The following APBA2 variants were observed in gnomAD, a reference collection of about 807,000 sequenced individuals.
The protein encoded by APBA2 is amyloid-beta A4 precursor protein-binding family A member 2.
Under a neutral mutation model 75.0 loss-of-function variants are expected in APBA2, and 30 were observed. That is an observed-to-expected ratio of 0.40 (90% confidence interval 0.30 to 0.54). The LOEUF (loss-of-function observed/expected upper bound fraction) is 0.54, where lower values mean the gene tolerates loss of function less well. APBA2 is among the 20% of genes least tolerant of loss of function. APBA2 has a pLI of 0.49. For synonymous variants in APBA2, 444 were observed against 409.6 expected, an observed-to-expected ratio of 1.08 and a Z score of -1.01; for missense variants, 801 against 1,016.1, an observed-to-expected ratio of 0.79 and a Z score of 2.88.
At chr15:29,074,838 T>C in intron 4 of APBA2, 83 bp from the exon 5 acceptor site, 1 of 1,292,010 alleles carries the variant, frequency 7.7e-7, no homozygotes, top group Non-Finnish European at 1.1e-6. Context: ...TTTTACAAAA[T>C]TGTATCACAT....
intron 2 of APBA2, among the ~76,000 whole-genome samples, chr15:28,927,159 A>G (rs1319061907): frequency 6.6e-6 from 1 of 151,486 alleles, no homozygotes; most frequent in Non-Finnish European, 1.5e-5. Context: ...CACCTGGCCT[A>G]TCCACCCTCT....
intron 11 of APBA2, 146 bp downstream of exon 11, chr15:29,105,704 C>T (rs2044369232): frequency 4.7e-6 from 4 of 842,902 alleles, no homozygotes; most frequent in Non-Finnish European, 7.8e-6. Flanking sequence ...GCACCTCGCT[C>T]CTGCCTTCCA....
rs765084356 is a variant in APBA2, at chr15:28,908,315, G to GTTTTTTTT, written c.-204-13319_-204-13312dup. The stretch of plus-strand genomic sequence containing the variant: ...TTGTTTTTGTTTGTTTTGTTTTCTT[G>GTTTTTTTT]TTTTTTTTTTTTTGAGACAGAGTCT... On this transcript the variant is annotated intron_variant, in intron 1 of 14. Transcript: ENST00000683413. 4.5e-4 allele frequency among the ~76,000 whole-genome samples: 62 copies of GTTTTTTTT among 137,594 alleles called. 8 individuals are homozygous for GTTTTTTTT. Among genetic ancestry groups the GTTTTTTTT allele is most frequent in the African/African-American group, 1.9e-3 (62 of 33,182 alleles). 90.3% of individuals were successfully genotyped at this position (137,594 alleles called of 152,430 possible).
intron 2 of APBA2, among the ~76,000 whole-genome samples, chr15:28,962,850 G>A (rs912490873): frequency 6.6e-6 from 1 of 152,172 alleles, no homozygotes; most frequent in African/African-American, 2.4e-5. Flanking sequence ...AGTGATGCTG[G>A]TCTTCTTTAA....
At chr15:29,065,367 G>C (rs975279507) in intron 4 of APBA2, among the ~76,000 whole-genome samples, 1 of 152,204 alleles carries the variant, frequency 6.6e-6, no homozygotes, top group Admixed American at 6.5e-5. Context: ...GTCACCCATG[G>C]TGTGCTTGCC....
chr15:29,038,398 C>G (rs1330546333), intron 3 of APBA2, among the ~76,000 whole-genome samples: 2 of 152,132 alleles, frequency 1.3e-5, no homozygotes, highest in East Asian at 3.9e-4. Flanking sequence ...GTAGGTCATC[C>G]TTGAATGGTT....
At chr15:29,008,430 G>A (rs4779671) in intron 3 of APBA2, among the ~76,000 whole-genome samples, 48,406 of 151,848 alleles carry the variant, frequency 0.32, 12,532 homozygotes, top group African/African-American at 0.68. Flanking sequence ...TTCTTACAAC[G>A]GAAAGGACTC....
Position 29,106,787 on chromosome 15 carries a change from C to T in APBA2, c.1885C>T (p.Leu629=), listed in dbSNP as rs76687371. 3,092 of 1,612,928 alleles carry T rather than the reference C, an allele frequency of 1.9e-3. 54 individuals carry two copies. In the African/African-American group the frequency reaches 0.036, roughly 19 times the overall value. Reference sequence around the variant, plus strand: ...CATCAATGGCACCAGCCTGGTGGGGCTGCCCCTCGCCACCTGCCAAGGCAT... The same window carrying T: ...CATCAATGGCACCAGCCTGGTGGGGTTGCCCCTCGCCACCTGCCAAGGCAT... ...MSINGTSLVG[L]PLATCQGIIK... The change falls in exon 12 of 15, where the codon CTG becomes TTG. Residue 629 remains leucine, a synonymous_variant. Coordinates refer to ENST00000683413, the MANE Select transcript of APBA2 (RefSeq NM_001353788.2).
At chr15:29,028,129 G>A (rs1255740342) in intron 3 of APBA2, among the ~76,000 whole-genome samples, 3 of 151,908 alleles carry the variant, frequency 2.0e-5, no homozygotes, top group Admixed American at 6.6e-5. Flanking sequence ...TGCATAAGCT[G>A]TTTTTCCTAA....
At chr15:28,917,397 G>T (rs2033735053) in intron 1 of APBA2, among the ~76,000 whole-genome samples, 2 of 152,282 alleles carry the variant, frequency 1.3e-5, no homozygotes, top group South Asian at 4.1e-4. Context: ...CATTCTGGGA[G>T]AATCCTGTAG....
chr15:29,090,561 G>C (rs1040974631), intron 6 of APBA2, among the ~76,000 whole-genome samples: 2 of 152,182 alleles, frequency 1.3e-5, no homozygotes, highest in Non-Finnish European at 2.9e-5. Flanking sequence ...AGGGCCTGGG[G>C]CTGACAGGGT....
At chr15:29,097,547 C>T (rs900695337) in intron 8 of APBA2, among the ~76,000 whole-genome samples, 4 of 152,150 alleles carry the variant, frequency 2.6e-5, no homozygotes, top group Admixed American at 1.3e-4. Flanking sequence ...TTTACATTGA[C>T]GGATAAAATT....
chr15:28,922,209 G>T (rs1256514182), intron 2 of APBA2, among the ~76,000 whole-genome samples: 1 of 152,164 alleles, frequency 6.6e-6, no homozygotes, highest in Non-Finnish European at 1.5e-5. Flanking sequence ...AGGAGGAGGG[G>T]CTGGCAGAAA....
intron 13 of APBA2, among the ~76,000 whole-genome samples, chr15:29,112,426 G>A (rs1179647202): frequency 2.6e-5 from 4 of 152,180 alleles, no homozygotes; most frequent in Non-Finnish European, 5.9e-5. Flanking sequence ...AGACGGGGAG[G>A]CCCCCTCACA....
At chr15:29,036,267 C>G (rs371120525) in intron 3 of APBA2, among the ~76,000 whole-genome samples, 318 of 152,180 alleles carry the variant, frequency 2.1e-3, no homozygotes, top group African/African-American at 7.2e-3. Context: ...TTTAACATAT[C>G]TACAGACTCT....
intron 2 of APBA2, among the ~76,000 whole-genome samples, chr15:28,931,668 C>T (rs1046096434): frequency 4.6e-5 from 7 of 152,186 alleles, no homozygotes; most frequent in African/African-American, 1.7e-4. Flanking sequence ...TTGTTTCTCC[C>T]TCTGAGAGTC....
intron 1 of APBA2, among the ~76,000 whole-genome samples, chr15:28,889,191 G>A (rs553759496): frequency 1.5e-4 from 23 of 152,282 alleles, no homozygotes; most frequent in Non-Finnish European, 2.8e-4. Flanking sequence ...GTCAGCTGTC[G>A]TGGGCACCGT....
rs1402889065 is a variant in APBA2, at chr15:29,106,793, C to T, written c.1891C>T (p.Leu631Phe). Residue 631 changes from leucine (L) to phenylalanine (F), a missense_variant, in exon 12 of 15, where the codon CTC becomes TTC. Leu to Phe is a conservative substitution (Grantham distance 22, BLOSUM62 0). Coordinates refer to ENST00000683413, the MANE Select transcript of APBA2 (RefSeq NM_001353788.2). ...TGGCACCAGCCTGGTGGGGCTGCCC[C>T]TCGCCACCTGCCAAGGCATCATCAA... Reference protein sequence around the residue: ...INGTSLVGLPLATCQGIIKGL... With the variant: ...INGTSLVGLPFATCQGIIKGL... 3 of 1,612,820 alleles carry T rather than the reference C, an allele frequency of 1.9e-6. No homozygotes were observed. The Admixed American group carries it at 5.0e-5, about 27-fold the overall frequency.
rs2045243416 is a variant in APBA2 at position 29,117,232 on chromosome 15, C to G, written c.*99C>G. 1 of 1,167,168 alleles carries G rather than the reference C, an allele frequency of 8.6e-7. No individual in the cohort carries two copies. The allele number at this position is 1,167,168 out of a possible 1,614,324, so 72.3% of individuals were successfully genotyped here. A position where few individuals can be genotyped will look rare whatever the true frequency, so the allele number is the denominator to read the frequency against. The stretch of plus-strand genomic sequence containing the variant: ...CGCAGACTTGACCCCGACGCCACAG[C>G]CCAGCCACGGACGCTGGCTCCCCAA... On this transcript the variant is annotated 3_prime_UTR_variant, in exon 15 of 15. Coordinates refer to ENST00000683413, the MANE Select transcript of APBA2 (RefSeq NM_001353788.2).
Sources: gnomAD v4.1 joint callset for allele counts (sites outside exome capture counted in the v4.1 genomes callset) on GRCh38, gnomAD v4.1.1 for gene constraint, MANE v1.5 for transcripts, NCBI Gene and HGNC (gene_info 2026-07-23, HGNC 2026-07-21) for gene names.